The following IQGAP2 variants were observed in gnomAD, a reference collection of about 807,000 sequenced individuals.
IQGAP2 encodes IQ motif containing GTPase activating protein 2.
Under a neutral mutation model 201.3 loss-of-function variants are expected in IQGAP2, and 173 were observed. The ratio of observed to expected loss-of-function variants is 0.86; its 90% CI spans 0.76 to 0.98. The LOEUF (loss-of-function observed/expected upper bound fraction) is 0.98, where lower values mean the gene tolerates loss of function less well. IQGAP2 is among the 50% of genes least tolerant of loss of function. IQGAP2 has a pLI of 0.00. For missense variants in IQGAP2, 1,687 were observed against 1,864.8 expected (o/e 0.90, Z 1.76); for synonymous variants, 675 against 673.9 (o/e 1.00, Z -0.03).
At chr5:76,445,622 G>T (rs962387297) in intron 1 of IQGAP2, among the ~76,000 whole-genome samples, 1 of 151,998 alleles carries the variant, frequency 6.6e-6, no homozygotes, top group Non-Finnish European at 1.5e-5. Context: ...CAGCCACCAT[G>T]CCTGGCTACT....
At chr5:76,673,866 G>A in intron 25 of IQGAP2, 86 bp from the exon 26 acceptor site, 1 of 840,194 alleles carries the variant, frequency 1.2e-6, no homozygotes, top group Non-Finnish European at 2.0e-6. Flanking sequence ...CTACTCAGCT[G>A]AAGTTGACTG....
At position 76,683,776 on chromosome 5, in the gene IQGAP2, G is replaced by A; in HGVS notation, c.3764G>A (p.Gly1255Glu). 6.2e-7 allele frequency: 1 copy of A among 1,607,640 alleles called. No individual in the cohort carries two copies. The highest frequency in any genetic ancestry group is 8.5e-7 in the Non-Finnish European group (1 of 1,177,006). ...GEVPTVESFLGEGAVDPNDPN... is the reference protein window; with the variant it reads ...GEVPTVESFLEEGAVDPNDPN... The stretch of plus-strand genomic sequence containing the variant: ...ATAACACTAGGTTTTTTCCCTACAG[G>A]GGAAGGAGCAGTTGACCCCAATGAC... The change falls in exon 30 of 36, where the codon GGG becomes GAG. Residue 1255 changes from glycine (G) to glutamate (E), a missense_variant and splice_region_variant. Gly to Glu is a moderately conservative substitution (Grantham distance 98, BLOSUM62 -2). Transcript: ENST00000274364.
intron 17 of IQGAP2, among the ~76,000 whole-genome samples, chr5:76,643,664 A>G (rs1751770600): frequency 6.6e-6 from 1 of 152,206 alleles, no homozygotes; most frequent in Non-Finnish European, 1.5e-5. Flanking sequence ...CATGAACTGA[A>G]GAAAGCTAGT....
chr5:76,496,822 TTTTTC>T (rs1757018281), intron 2 of IQGAP2, among the ~76,000 whole-genome samples: 1 of 150,304 alleles, frequency 6.7e-6, no homozygotes, highest in African/African-American at 2.5e-5. Flanking sequence ...TCTTTCTTTC[TTTTTC>T]TTTTCTTTCA....
chr5:76,689,949 G>A (rs1043583859), intron 30 of IQGAP2, among the ~76,000 whole-genome samples: 8 of 152,182 alleles, frequency 5.3e-5, no homozygotes, highest in African/African-American at 1.4e-4. Context: ...TACAAGCGCC[G>A]TATGGGCTCA....
rs1307424997 is a variant in IQGAP2 at position 76,683,118 on chromosome 5, C to T, written c.3664C>T (p.Leu1222=). 6.2e-7 allele frequency: 1 copy of T among 1,604,004 alleles called. No homozygotes were observed. The highest frequency in any genetic ancestry group is 1.3e-5 in the African/African-American group (1 of 74,530). Residue 1222 remains leucine, a synonymous_variant, in exon 29 of 36, where the codon CTG becomes TTG. Transcript: ENST00000274364. ...GTGTGTTGCTTTCTACATAAAGCTC[C>T]TGTTGGAACACCAGGATGCAATTGC... The part of the protein sequence containing the change: ...IEEIISTHSL[L]LEHQDAIAPE...
intron 20 of IQGAP2, among the ~76,000 whole-genome samples, chr5:76,655,276 T>C (rs1214119882): frequency 1.3e-5 from 2 of 152,124 alleles, no homozygotes; most frequent in Non-Finnish European, 2.9e-5. Flanking sequence ...TGCTGATTTT[T>C]TTTTTTCAAT....
chr5:76,420,349 C>A (rs1751659829), intron 1 of IQGAP2, among the ~76,000 whole-genome samples: 1 of 150,992 alleles, frequency 6.6e-6, no homozygotes, highest in Non-Finnish European at 1.5e-5. Flanking sequence ...TGTTGTATAA[C>A]CATCATCACG....
intron 2 of IQGAP2, among the ~76,000 whole-genome samples, chr5:76,468,758 A>T (rs1450953554): frequency 6.6e-6 from 1 of 152,116 alleles, no homozygotes; most frequent in East Asian, 1.9e-4. Context: ...AACCACATTG[A>T]TCTGTTTTAT....
intron 2 of IQGAP2, among the ~76,000 whole-genome samples, chr5:76,470,271 C>A (rs945172055): frequency 2.0e-5 from 3 of 152,168 alleles, no homozygotes; most frequent in Admixed American, 2.0e-4. Flanking sequence ...CTATTCTTAG[C>A]AATGACACCC....
chr5:76,461,986 C>T (rs1754481649), intron 2 of IQGAP2, among the ~76,000 whole-genome samples: 1 of 152,158 alleles, frequency 6.6e-6, no homozygotes, highest in East Asian at 1.9e-4. Flanking sequence ...GTCTTGTTGG[C>T]AGCAGGATAA....
In IQGAP2 at chr5:76,506,207, G is replaced by A. The variant is rs185943763; in HGVS notation, c.146+44538G>A. Among the ~76,000 whole-genome samples, 6 of 152,290 alleles carry A rather than the reference G, an allele frequency of 3.9e-5. No homozygotes were observed. The East Asian group carries it at 7.7e-4, about 20-fold the overall frequency. On this transcript the variant is annotated intron_variant, in intron 2 of 35. Coordinates refer to ENST00000274364, the MANE Select transcript of IQGAP2 (RefSeq NM_006633.5). ...TTGATCCATTCGTAGGTCAAACATT[G>A]TACAGAAAGTAACCCGAGAGAGCTA...
At chr5:76,452,971 C>T (rs896992881) in intron 1 of IQGAP2, among the ~76,000 whole-genome samples, 14 of 136,004 alleles carry the variant, frequency 1.0e-4, no homozygotes, top group Admixed American at 5.1e-4. Flanking sequence ...AGTGCAGTGG[C>T]GCAATCTTGG....
intron 5 of IQGAP2, among the ~76,000 whole-genome samples, chr5:76,586,023 G>A (rs1410130781): frequency 6.6e-6 from 1 of 152,098 alleles, no homozygotes; most frequent in Non-Finnish European, 1.5e-5. Context: ...TTGAGAATTG[G>A]TTCATAAAAT....
chr5:76,414,328 C>G (rs1751299752), intron 1 of IQGAP2, among the ~76,000 whole-genome samples: 1 of 152,112 alleles, frequency 6.6e-6, no homozygotes, highest in East Asian at 1.9e-4. Context: ...ACTCCCCATT[C>G]ACCTGCCCCC....
chr5:76,534,702 C>G lies in IQGAP2; in HGVS notation c.147-27694C>G, dbSNP rs1321316815. Among the ~76,000 whole-genome samples, 5 of 152,300 alleles carry G rather than the reference C, an allele frequency of 3.3e-5. No individual in the cohort carries two copies. In the East Asian group the frequency reaches 9.6e-4, roughly 29 times the overall value. ...AAGATGCCTTTAAGGCCTGATTAAC[C>G]TGATTTGAAAAACTTTAAAACTGAC... On this transcript the variant is annotated intron_variant, in intron 2 of 35. Coordinates refer to ENST00000274364, the MANE Select transcript of IQGAP2 (RefSeq NM_006633.5).
In IQGAP2 at chr5:76,570,482, C is replaced by A. The variant is rs78790598; in HGVS notation, c.304-98C>A. The A allele has an allele frequency of 1.6e-3, 1,257 of 797,208 alleles. 11 individuals are homozygous for A. The African/African-American group carries it at 0.017, about 11-fold the overall frequency. 49.4% of individuals were successfully genotyped at this position (797,208 alleles called of 1,614,324 possible). ...TAATAACTCTGTTCCAGGAGAAATACAATTGAAAAGCATCCTGTACATGAA... is the reference window on the plus strand; with the variant it reads ...TAATAACTCTGTTCCAGGAGAAATAAAATTGAAAAGCATCCTGTACATGAA... On this transcript the variant is annotated intron_variant, in intron 3 of 35. Coordinates refer to ENST00000274364, the MANE Select transcript of IQGAP2 (RefSeq NM_006633.5).
intron 17 of IQGAP2, among the ~76,000 whole-genome samples, chr5:76,641,660 C>G (rs1751594522): frequency 6.6e-6 from 1 of 152,140 alleles, no homozygotes; most frequent in African/African-American, 2.4e-5. Context: ...TTCTGATTGG[C>G]AGGAGAATTT....
At chr5:76,639,244 T>G (rs1751377539) in intron 16 of IQGAP2, among the ~76,000 whole-genome samples, 1 of 152,240 alleles carries the variant, frequency 6.6e-6, no homozygotes, top group South Asian at 2.1e-4. Flanking sequence ...GTACTAATTC[T>G]GCAATTTGTG....
Sources: allele counts gnomAD v4.1 joint callset (sites outside exome capture counted in the v4.1 genomes callset), GRCh38; gene constraint gnomAD v4.1.1; transcripts MANE v1.5; gene names NCBI Gene and HGNC (gene_info 2026-07-23, HGNC 2026-07-21).